The following CFAP61 variants were observed in gnomAD, a reference collection of about 807,000 sequenced individuals.
CFAP61 encodes the protein cilia- and flagella-associated protein 61.
In CFAP61, 107 loss-of-function variants were observed where a neutral mutation model predicts 135.6. That is an observed-to-expected ratio of 0.79 (90% CI 0.67 to 0.93). The LOEUF is 0.93. Among genes scored for constraint, CFAP61 ranks in the 40% least tolerant of loss-of-function variants. The pLI, the probability that CFAP61 is intolerant of heterozygous loss-of-function variation, is 0.00. For missense variants in CFAP61, 1,507 were observed against 1,556.2 expected (o/e 0.97, Z 0.53); for synonymous variants, 575 against 578.5 (o/e 0.99, Z 0.09).
At chr20:20,228,788 T>C (rs575537971) in intron 18 of CFAP61, among the ~76,000 whole-genome samples, 66 of 152,274 alleles carry the variant, frequency 4.3e-4, no homozygotes, top group African/African-American at 1.6e-3. Flanking sequence ...TAAAGGAATG[T>C]TTTCCTTACT....
rs371676673 is a variant in CFAP61 at position 20,199,929 on chromosome 20, G to A, written c.1932+27G>A. ...TGGGTAGCAGGGCGGCAGGCAGGGC[G>A]GCGCGGTGCCAGCTCCCGCGGGCCT... On this transcript the variant is annotated intron_variant, in intron 17 of 26. Transcript: ENST00000245957. 41 of 1,611,742 alleles carry A rather than the reference G, an allele frequency of 2.5e-5. No individual in the cohort carries two copies. In the Admixed American group the frequency reaches 3.2e-4, roughly 12 times the overall value.
chr20:20,096,622 T>C (rs922314086), intron 7 of CFAP61, among the ~76,000 whole-genome samples: 18 of 152,228 alleles, frequency 1.2e-4, no homozygotes, highest in African/African-American at 4.1e-4. Context: ...TAGAAGGACA[T>C]CTCCATGTGA....
At chr20:20,241,476 T>A (rs1166680378) in intron 18 of CFAP61, among the ~76,000 whole-genome samples, 1 of 152,226 alleles carries the variant, frequency 6.6e-6, no homozygotes, top group Non-Finnish European at 1.5e-5. Context: ...AGGTTAGGTT[T>A]TTTAAAAAAC....
intron 17 of CFAP61, among the ~76,000 whole-genome samples, chr20:20,218,471 G>A (rs2424292): frequency 0.11 from 16,662 of 152,168 alleles, 951 homozygotes; most frequent in Middle Eastern, 0.16. Flanking sequence ...TTTATCAGCA[G>A]CATGAAAACA....
Position 20,359,024 on chromosome 20 carries a change from G to T in CFAP61, c.3514-1186G>T, listed in dbSNP as rs1424672410. 6.6e-6 allele frequency among the ~76,000 whole-genome samples: 1 copy of T among 152,158 alleles called. No individual in the cohort carries two copies. The highest frequency in any genetic ancestry group is 1.9e-4 in the East Asian group (1 of 5,186). On this transcript the variant is annotated intron_variant, in intron 26 of 26. Coordinates refer to ENST00000245957, the MANE Select transcript of CFAP61 (RefSeq NM_015585.4). This position sits in a 1 kb window ranked among gnomAD's most constrained non-coding sequence, Gnocchi z 4.0. ...CTGCTCTGGAGGGCAGATATGCAGT[G>T]GTGAAGCAAATATAGCAGATGTTAA...
At chr20:20,200,017 G>C in intron 17 of CFAP61, 115 bp downstream of exon 17, 1 of 1,241,852 alleles carries the variant, frequency 8.1e-7, no homozygotes, top group Non-Finnish European at 1.1e-6. Flanking sequence ...CAGGGAACCT[G>C]GTGCTCATAC....
At chr20:20,140,248 T>G (rs952523357) in intron 8 of CFAP61, among the ~76,000 whole-genome samples, 8 of 151,378 alleles carry the variant, frequency 5.3e-5, no homozygotes, top group Non-Finnish European at 1.0e-4. Flanking sequence ...AATGTGCAGG[T>G]TTGTTACATA....
intron 22 of CFAP61, among the ~76,000 whole-genome samples, chr20:20,282,188 C>G (rs1221327563): frequency 3.3e-5 from 5 of 152,132 alleles, no homozygotes; most frequent in Non-Finnish European, 7.4e-5. Context: ...GTCTCTGACT[C>G]TCTCTCTTTC....
chr20:20,240,089 C>T (rs1396142072), intron 18 of CFAP61, among the ~76,000 whole-genome samples: 5 of 152,046 alleles, frequency 3.3e-5, no homozygotes, highest in Admixed American at 6.6e-5. Context: ...TGGGATGAGG[C>T]GACCAAGAGC....
chr20:20,077,806 G>C (rs1322887933), intron 6 of CFAP61, among the ~76,000 whole-genome samples: 1 of 147,322 alleles, frequency 6.8e-6, no homozygotes, highest in African/African-American at 2.7e-5. Context: ...TCTGGGTTAA[G>C]ATAGGGGTTG....
At chr20:20,319,694 G>T (rs2057336676) in intron 25 of CFAP61, among the ~76,000 whole-genome samples, 1 of 152,172 alleles carries the variant, frequency 6.6e-6, no homozygotes, top group African/African-American at 2.4e-5. Context: ...CCCAGTTTCT[G>T]GTCTTTCTTT....
chr20:20,199,363 T>C (rs2056481310), intron 16 of CFAP61, among the ~76,000 whole-genome samples: 2 of 152,206 alleles, frequency 1.3e-5, no homozygotes, highest in African/African-American at 4.8e-5. Context: ...TTTTTATCTA[T>C]GTGTCTTCTT....
At chr20:20,191,222 G>C in intron 14 of CFAP61, 120 bp from the exon 15 acceptor site, 1 of 665,772 alleles carries the variant, frequency 1.5e-6, no homozygotes, top group East Asian at 2.8e-5. Flanking sequence ...CCAAAAGTAG[G>C]TGTTGATAGA....
chr20:20,099,138 C>CACAT, intron 8 of CFAP61, among the ~76,000 whole-genome samples: 1 of 149,046 alleles, frequency 6.7e-6, no homozygotes, highest in South Asian at 2.1e-4. Flanking sequence ...CACACACACA[C>CACAT]ACACACACAC....
At chr20:20,131,993 A>G (rs1017499040) in intron 8 of CFAP61, among the ~76,000 whole-genome samples, 1 of 152,058 alleles carries the variant, frequency 6.6e-6, no homozygotes. Flanking sequence ...ATTGTTAACT[A>G]TAGGTAGATG....
intron 11 of CFAP61, among the ~76,000 whole-genome samples, chr20:20,164,504 A>G (rs747461745): frequency 7.2e-5 from 11 of 152,170 alleles, no homozygotes; most frequent in Non-Finnish European, 1.6e-4. Flanking sequence ...TGCTGCTCCC[A>G]TTCTGTAAAG....
intron 6 of CFAP61, among the ~76,000 whole-genome samples, chr20:20,084,819 A>T (rs1277154740): frequency 6.6e-6 from 1 of 152,066 alleles, no homozygotes; most frequent in East Asian, 1.9e-4. Context: ...CCATTTCCCA[A>T]GTAGGGTGTC....
intron 26 of CFAP61, 124 bp from the exon 27 acceptor site, chr20:20,360,086 G>A: frequency 1.4e-6 from 1 of 734,676 alleles, no homozygotes. Context: ...ATTTTCAAAA[G>A]CTAGAAAAAA....
At chr20:20,131,461 TG>T (rs944245484) in intron 8 of CFAP61, among the ~76,000 whole-genome samples, 15 of 152,192 alleles carry the variant, frequency 9.9e-5, no homozygotes, top group Admixed American at 7.2e-4. Flanking sequence ...CAACTTTTAA[TG>T]TTCAAAGTAG....
Sources: gnomAD v4.1 joint callset for allele counts (sites outside exome capture counted in the v4.1 genomes callset) on GRCh38, gnomAD v4.1.1 for gene constraint, Gnocchi (gnomAD v3.1) non-coding constraint, MANE v1.5 for transcripts, NCBI Gene and HGNC (gene_info 2026-07-23, HGNC 2026-07-21) for gene names.